Variants in NACC2 observed in about 807,000 individuals in gnomAD.
The protein encoded by NACC2 is nucleus accumbens-associated protein 2.
NACC2 carries 8 observed loss-of-function variants against 25.1 expected under a neutral mutation model. The ratio of observed to expected loss-of-function variants is 0.32; its 90% CI spans 0.19 to 0.57. The LOEUF is 0.57. Among genes scored for constraint, NACC2 ranks in the 20% least tolerant of loss-of-function variants. The pLI is 0.89. For synonymous variants in NACC2, 435 were observed against 294.7 expected (o/e 1.48, Z -4.88); for missense variants, 644 against 650.2 (o/e 0.99, Z 0.10).
chr9:136,074,834 C>T (rs1001019934), intron 1 of NACC2, among the ~76,000 whole-genome samples: 13 of 152,144 alleles, frequency 8.5e-5, no homozygotes, highest in African/African-American at 2.9e-4. Context: ...TCAGCCTCGG[C>T]GTCTACACCT....
At chr9:136,040,839 T>C (rs982157252) in intron 2 of NACC2, among the ~76,000 whole-genome samples, 27 of 152,064 alleles carry the variant, frequency 1.8e-4, no homozygotes, top group African/African-American at 6.5e-4. Flanking sequence ...TGCACGCCTG[T>C]AGTTCCAGCT....
At chr9:136,021,385 C>T (rs999746359) in intron 2 of NACC2, among the ~76,000 whole-genome samples, 13 of 152,122 alleles carry the variant, frequency 8.5e-5, no homozygotes, top group African/African-American at 3.1e-4. Flanking sequence ...GGCGAGGATG[C>T]GGGGCAGCTG....
intron 1 of NACC2, among the ~76,000 whole-genome samples, chr9:136,094,196 G>A (rs1263427259): frequency 1.3e-5 from 2 of 152,218 alleles, no homozygotes; most frequent in African/African-American, 4.8e-5. Flanking sequence ...CCAGGGAGAC[G>A]GGCCCACCAG....
chr9:136,056,717 A>G (rs757307448), intron 1 of NACC2, among the ~76,000 whole-genome samples: 4 of 152,068 alleles, frequency 2.6e-5, no homozygotes, highest in Non-Finnish European at 4.4e-5. Context: ...TGGGAGGTGG[A>G]GGAGAGCCAT....
Position 136,055,691 on chromosome 9 carries a change from T to C in NACC2, c.-59-5111A>G, listed in dbSNP as rs1401685251. Among the ~76,000 whole-genome samples the C allele has an allele frequency of 2.0e-5, 3 of 152,112 alleles. No homozygotes were observed. Among genetic ancestry groups the C allele is most frequent in the African/African-American group, 7.2e-5 (3 of 41,414 alleles). On this transcript the variant is annotated intron_variant, in intron 1 of 5. Transcript: ENST00000277554. This position sits in a 1 kb window ranked among gnomAD's most constrained non-coding sequence, Gnocchi z 4.9. Reference sequence around the variant, plus strand: ...ATCTTGCAGGATTTAATTTCACCAATCTAATAAGAGGTTCTGGACCTCAGC... The same window carrying C: ...ATCTTGCAGGATTTAATTTCACCAACCTAATAAGAGGTTCTGGACCTCAGC...
intron 1 of NACC2, among the ~76,000 whole-genome samples, chr9:136,050,996 G>A (rs932871053): frequency 2.6e-5 from 4 of 152,246 alleles, no homozygotes; most frequent in Non-Finnish European, 5.9e-5. Flanking sequence ...AGCCCGCACA[G>A]GAGCTCCCGG....
Position 136,011,566 on chromosome 9 carries a change from GC to G in NACC2, c.1713del (p.Pro572ArgfsTer29). On this transcript the variant is annotated frameshift_variant, in exon 6 of 6. Transcript: ENST00000277554. LOFTEE classifies it high-confidence loss of function. ...TCCGGCCTCCGGGCCGCGGCCGCCG[GC>G]GTCTGGGGCCTGCTGGGGCCGCCCC... The part of the protein sequence containing the change: ...QGGGGPSRPQ[T>X]PAAAARRPEG... 7.1e-7 allele frequency: 1 copy of G among 1,408,614 alleles called. No individual in the cohort carries two copies. Among genetic ancestry groups the G allele is most frequent in the Non-Finnish European group, 9.2e-7 (1 of 1,087,258 alleles). 87.3% of individuals were successfully genotyped at this position (1,408,614 alleles called of 1,614,324 possible).
At chr9:136,093,130 A>T (rs138257259) in intron 1 of NACC2, among the ~76,000 whole-genome samples, 2 of 152,242 alleles carry the variant, frequency 1.3e-5, no homozygotes, top group East Asian at 1.9e-4. Context: ...CATCCCGAAA[A>T]GGACAACACC....
chr9:136,060,472 T>C (rs190808964), intron 1 of NACC2, among the ~76,000 whole-genome samples: 3,696 of 152,350 alleles, frequency 0.024, 53 homozygotes, highest in Middle Eastern at 0.065. Flanking sequence ...AGGCGCTTCT[T>C]TCCAGAAGAC....
chr9:136,061,978 A>T (rs1385428374), intron 1 of NACC2, among the ~76,000 whole-genome samples: 1 of 151,842 alleles, frequency 6.6e-6, no homozygotes, highest in Non-Finnish European at 1.5e-5. Flanking sequence ...AAATTAACTG[A>T]GCGTGGTGGT....
rs1330682069 is a variant in NACC2, at chr9:136,095,155, C to T, written c.-60+34G>A. ...GGACGACCCCGCCCGGCGGCGTAAC[C>T]CGGGGGCGGCCGCGCGCGCCAAGTT... On this transcript the variant is annotated intron_variant, in intron 1 of 5. Coordinates refer to ENST00000277554, the MANE Select transcript of NACC2 (RefSeq NM_144653.5). 1.4e-5 allele frequency: 2 copies of T among 146,888 alleles called. 1 individual carries two copies. Among genetic ancestry groups the T allele is most frequent in the East Asian group, 3.9e-4 (2 of 5,068 alleles). 9.1% of individuals were successfully genotyped at this position (146,888 alleles called of 1,614,324 possible).
chr9:136,093,885 G>C (rs1210618585), intron 1 of NACC2, among the ~76,000 whole-genome samples: 1 of 152,208 alleles, frequency 6.6e-6, no homozygotes, highest in Non-Finnish European at 1.5e-5. Context: ...GGGTGCTACA[G>C]GCTAAAACAC....
In NACC2 at chr9:136,016,433, T is replaced by C. The variant is rs1246523229; in HGVS notation, c.887-4A>G. On this transcript the variant is annotated splice_polypyrimidine_tract_variant and splice_region_variant and intron_variant, in intron 2 of 5. Coordinates refer to ENST00000277554, the MANE Select transcript of NACC2 (RefSeq NM_144653.5). ...ACTGGCTCAGGCTTCTCTTGCACTG[T>C]GGGCCCAGAACCAACCTGGTCAGAT... is the stretch of plus-strand genomic sequence containing the variant. 1 of 1,610,726 alleles carries C rather than the reference T, an allele frequency of 6.2e-7. No homozygotes were observed. Among genetic ancestry groups the C allele is most frequent in the Non-Finnish European group, 8.5e-7 (1 of 1,179,682 alleles).
At chr9:136,047,292 C>G (rs1418133065) in intron 2 of NACC2, among the ~76,000 whole-genome samples, 1 of 152,134 alleles carries the variant, frequency 6.6e-6, no homozygotes, top group African/African-American at 2.4e-5. Flanking sequence ...CTGCTCCCCC[C>G]ATGGCACCGC....
chr9:136,040,292 C>A (rs1276432527), intron 2 of NACC2, among the ~76,000 whole-genome samples: 2 of 151,764 alleles, frequency 1.3e-5, no homozygotes, highest in African/African-American at 4.8e-5. Flanking sequence ...TTGCAGTGAG[C>A]CAAGATCACA....
chr9:136,050,059 C>T lies in NACC2; in HGVS notation c.463G>A (p.Ala155Thr). ...PCNQLQPAAA[A>T]AAPYVVSPSV... ...GGGGACACGACGTAGGGGGCCGCGG[C>T]GGCGGCGGCCGGCTGCAGCTGGTTG... is the stretch of plus-strand genomic sequence containing the variant. Residue 155 changes from alanine to threonine, a missense_variant, in exon 2 of 6, where the codon GCC becomes ACC. Ala to Thr is a moderately conservative substitution (Grantham distance 58). Transcript: ENST00000277554. 2.9e-6 allele frequency: 2 copies of T among 687,820 alleles called. No individual in the cohort carries two copies. The highest frequency in any genetic ancestry group is 2.7e-6 in the Non-Finnish European group (1 of 369,444). 42.6% of individuals were successfully genotyped at this position (687,820 alleles called of 1,614,324 possible). A position where few individuals can be genotyped will look rare whatever the true frequency, so the allele number is the denominator to read the frequency against.
chr9:136,042,036 C>T (rs2131155242), intron 2 of NACC2, among the ~76,000 whole-genome samples: 1 of 152,210 alleles, frequency 6.6e-6, no homozygotes, highest in East Asian at 1.9e-4. Flanking sequence ...ACTCTGTGGC[C>T]CAGGCTGGAG....
At chr9:136,090,398 G>C (rs367758869) in intron 1 of NACC2, among the ~76,000 whole-genome samples, 1 of 152,364 alleles carries the variant, frequency 6.6e-6, no homozygotes, top group South Asian at 2.1e-4. Flanking sequence ...CAGTGCCCAG[G>C]AGTGAGAAGG....
At chr9:136,093,173 G>A (rs1459588032) in intron 1 of NACC2, among the ~76,000 whole-genome samples, 1 of 152,194 alleles carries the variant, frequency 6.6e-6, no homozygotes. Context: ...GGGCCTGGGA[G>A]ACCACACTGC....
Sources: gnomAD v4.1 joint callset for allele counts (sites outside exome capture counted in the v4.1 genomes callset) on GRCh38, gnomAD v4.1.1 for gene constraint, Gnocchi (gnomAD v3.1) non-coding constraint, MANE v1.5 for transcripts, NCBI Gene and HGNC (gene_info 2026-07-23, HGNC 2026-07-21) for gene names.